MTHFD1L: variants seen among roughly 807,000 people sequenced by gnomAD.
MTHFD1L encodes the protein monofunctional C1-tetrahydrofolate synthase, mitochondrial.
In MTHFD1L, 81 loss-of-function variants were observed where a neutral mutation model predicts 119.5. The ratio of observed to expected loss-of-function variants is 0.68; its 90% CI spans 0.57 to 0.82. The LOEUF (loss-of-function observed/expected upper bound fraction) is 0.82, where lower values mean the gene tolerates loss of function less well. Ranked by LOEUF, MTHFD1L falls within the 40% of genes least tolerant of loss-of-function variation. The probability of loss-of-function intolerance (pLI) is 0.00; values close to 1 mark genes in which losing one functional copy is unlikely to be tolerated. For missense variants in MTHFD1L, 1,125 were observed against 1,253.4 expected (o/e 0.90, Z 1.55); for synonymous variants, 430 against 475.2 (o/e 0.90, Z 1.24).
Position 150,926,009 on chromosome 6 carries a change from C to T in MTHFD1L, c.1083-113C>T. On this transcript the variant is annotated intron_variant, in intron 10 of 27. Coordinates refer to ENST00000367321, the MANE Select transcript of MTHFD1L (RefSeq NM_015440.5). The surrounding 1 kb of genome is among the most constrained non-coding windows in gnomAD (Gnocchi z 4.3). ...TATTACTGCCTGGGAGAAAGGACCC[C>T]AAAGTAATTGCATTGATTTCATCGT... is the stretch of plus-strand genomic sequence containing the variant. The T allele has an allele frequency of 1.2e-6, 1 of 869,150 alleles. No homozygotes were observed. Among genetic ancestry groups the T allele is most frequent in the Non-Finnish European group, 1.7e-6 (1 of 574,588 alleles). 53.8% of individuals were successfully genotyped at this position (869,150 alleles called of 1,614,324 possible).
chr6:150,960,545 T>C, intron 18 of MTHFD1L, 130 bp downstream of exon 18: 1 of 1,239,932 alleles, frequency 8.1e-7, no homozygotes, highest in Non-Finnish European at 1.1e-6. Context: ...ACACACACAT[T>C]TCTTCCCCGA....
chr6:150,982,804 A>G (rs1777727570), intron 20 of MTHFD1L, among the ~76,000 whole-genome samples: 1 of 151,912 alleles, frequency 6.6e-6, no homozygotes, highest in Admixed American at 6.6e-5. Context: ...GGTTCAAGCA[A>G]TTCTCCTGCC....
rs774695918 is a variant in MTHFD1L at position 150,903,203 on chromosome 6, ATTTT to A, written c.781-2418_781-2415del. Among the ~76,000 whole-genome samples, 7 of 85,474 alleles carry A rather than the reference ATTTT, an allele frequency of 8.2e-5. 1 individual carries two copies. Among genetic ancestry groups the A allele is most frequent in the African/African-American group, 2.0e-4 (4 of 19,958 alleles). 56.1% of individuals were successfully genotyped at this position (85,474 alleles called of 152,430 possible). A position where few individuals can be genotyped will look rare whatever the true frequency, so the allele number is the denominator to read the frequency against. ...GATTGCTGGTGATATTGGCTGCAAA[ATTTT>A]TTTTTTTTTTTTTTTTTTTTTTTTT... On this transcript the variant is annotated intron_variant, in intron 7 of 27. Coordinates refer to ENST00000367321, the MANE Select transcript of MTHFD1L (RefSeq NM_015440.5).
At chr6:150,928,967 G>T (rs1052716344) in intron 11 of MTHFD1L, among the ~76,000 whole-genome samples, 36 of 152,038 alleles carry the variant, frequency 2.4e-4, no homozygotes, top group African/African-American at 8.5e-4. Context: ...CCCTTCTCCC[G>T]CAGGCTTCCA....
chr6:150,886,572 T>G (rs1583381136), intron 6 of MTHFD1L, among the ~76,000 whole-genome samples: 1 of 148,830 alleles, frequency 6.7e-6, no homozygotes, highest in East Asian at 1.9e-4. Flanking sequence ...TGTTGTCCCC[T>G]TGACTTGGCG....
intron 26 of MTHFD1L, among the ~76,000 whole-genome samples, chr6:151,090,206 AC>A (rs1794249700): frequency 6.6e-6 from 1 of 151,820 alleles, no homozygotes; most frequent in South Asian, 2.1e-4. Flanking sequence ...GCACAGATTT[AC>A]TCCCCACCTG....
At position 150,964,386 on chromosome 6, in the gene MTHFD1L, A is replaced by G. The variant is rs537550629; in HGVS notation, c.1945-583A>G. 2.6e-5 allele frequency among the ~76,000 whole-genome samples: 4 copies of G among 152,358 alleles called. No individual in the cohort carries two copies. The South Asian group carries it at 8.3e-4, about 32-fold the overall frequency. ...CTGCCTTATTTCATGTATAAGTGGC[A>G]CCAGCTTGACTGTAGGAAGAGAGAT... On this transcript the variant is annotated intron_variant, in intron 18 of 27. Transcript: ENST00000367321.
chr6:151,022,314 A>T (rs990691912), intron 24 of MTHFD1L: 2 of 242,496 alleles, frequency 8.2e-6, no homozygotes, highest in Non-Finnish European at 1.7e-5. Context: ...CTTTACATGG[A>T]CTTGGAGCAT....
intron 26 of MTHFD1L, among the ~76,000 whole-genome samples, chr6:151,080,068 C>T (rs914471318): frequency 2.0e-5 from 3 of 151,772 alleles, no homozygotes; most frequent in Admixed American, 2.0e-4. Context: ...ATCCCAGCCA[C>T]TCGGGAGGCT....
At chr6:151,040,020 A>T (rs890048686) in intron 26 of MTHFD1L, among the ~76,000 whole-genome samples, 9 of 152,172 alleles carry the variant, frequency 5.9e-5, no homozygotes, top group African/African-American at 2.2e-4. Context: ...TAGCTGGTGA[A>T]AGCCTTGGCT....
chr6:151,004,804 G>A (rs2128472134), intron 20 of MTHFD1L, among the ~76,000 whole-genome samples: 1 of 152,314 alleles, frequency 6.6e-6, no homozygotes, highest in Non-Finnish European at 1.5e-5. Flanking sequence ...AGCGTTTCCT[G>A]TTTTCATTCA....
At chr6:151,100,229 G>A (rs1451929808) in intron 27 of MTHFD1L, among the ~76,000 whole-genome samples, 1 of 151,878 alleles carries the variant, frequency 6.6e-6, no homozygotes, top group African/African-American at 2.4e-5. Context: ...ATAGACACGG[G>A]GTTTCACCGT....
intron 26 of MTHFD1L, among the ~76,000 whole-genome samples, chr6:151,043,647 T>C (rs1787494334): frequency 6.6e-6 from 1 of 152,190 alleles, no homozygotes; most frequent in Non-Finnish European, 1.5e-5. Flanking sequence ...ATTTGACTGT[T>C]TTCCATTGAC....
At chr6:151,028,294 G>A (rs1299024786) in intron 24 of MTHFD1L, among the ~76,000 whole-genome samples, 1 of 152,112 alleles carries the variant, frequency 6.6e-6, no homozygotes, top group African/African-American at 2.4e-5. Context: ...AAGGAAGAAA[G>A]TTTAGTTGGT....
chr6:150,866,802 C>T (rs1381232064), intron 1 of MTHFD1L, among the ~76,000 whole-genome samples: 6 of 152,312 alleles, frequency 3.9e-5, no homozygotes, highest in South Asian at 2.1e-4. Flanking sequence ...TTTCCCGTCC[C>T]GGTCCCCGCC....
intron 1 of MTHFD1L, among the ~76,000 whole-genome samples, chr6:150,867,629 C>T (rs1156441253): frequency 6.6e-6 from 1 of 152,160 alleles, no homozygotes; most frequent in Non-Finnish European, 1.5e-5. Context: ...CATTTCTTGT[C>T]TGTCTCACCC....
chr6:151,014,551 A>G (rs1400479404), intron 22 of MTHFD1L, among the ~76,000 whole-genome samples: 1 of 152,186 alleles, frequency 6.6e-6, no homozygotes, highest in Non-Finnish European at 1.5e-5. Context: ...TGAGCCAGGA[A>G]TACCTGGTCA....
chr6:150,950,430 C>T (rs1265322462), intron 16 of MTHFD1L, among the ~76,000 whole-genome samples: 1 of 152,216 alleles, frequency 6.6e-6, no homozygotes, highest in African/African-American at 2.4e-5. Flanking sequence ...TGTAGTCCCA[C>T]AAACCATGAG....
chr6:150,978,189 C>T (rs933833323), intron 20 of MTHFD1L, among the ~76,000 whole-genome samples: 2 of 152,038 alleles, frequency 1.3e-5, no homozygotes, highest in African/African-American at 4.8e-5. Flanking sequence ...TGAGCTGCCG[C>T]ACCTGGCCAC....
Sources: gnomAD v4.1 joint callset for allele counts (sites outside exome capture counted in the v4.1 genomes callset) on GRCh38, gnomAD v4.1.1 for gene constraint, Gnocchi (gnomAD v3.1) non-coding constraint, MANE v1.5 for transcripts, NCBI Gene and HGNC (gene_info 2026-07-23, HGNC 2026-07-21) for gene names.